ATP9B: variants seen among roughly 807,000 people sequenced by gnomAD.
The protein encoded by ATP9B is ATPase phospholipid transporting 9B, also known as probable phospholipid-transporting ATPase IIB.
Under a neutral mutation model 146.1 loss-of-function variants are expected in ATP9B, and 110 were observed. The ratio of observed to expected loss-of-function variants is 0.75; its 90% confidence interval spans 0.65 to 0.88. ATP9B has a LOEUF of 0.88. ATP9B is among the 40% of genes least tolerant of loss of function. The probability of loss-of-function intolerance (pLI) is 0.00; values close to 1 mark genes in which losing one functional copy is unlikely to be tolerated. For synonymous variants in ATP9B, 604 were observed against 569.7 expected (o/e 1.06, Z -0.86); for missense variants, 1,499 against 1,496.4 (o/e 1.00, Z -0.03).
In ATP9B at chr18:79,107,885, G is replaced by A. The variant is rs186935616; in HGVS notation, c.294-2470G>A. Among the ~76,000 whole-genome samples, 34 of 152,302 alleles carry A rather than the reference G, an allele frequency of 2.2e-4. No homozygotes were observed. The East Asian group carries it at 6.0e-3, about 27-fold the overall frequency. Reference sequence around the variant, plus strand: ...CTCGTTTCAACTCTGCCATTGCCTAGTGGTTTAGTCTTAGAGAAGTCACTT... The same window carrying A: ...CTCGTTTCAACTCTGCCATTGCCTAATGGTTTAGTCTTAGAGAAGTCACTT... On this transcript the variant is annotated intron_variant, in intron 2 of 29. Coordinates refer to ENST00000426216, the MANE Select transcript of ATP9B (RefSeq NM_198531.5).
rs1050517696 is a variant in ATP9B, at chr18:79,329,008, A to C, written c.1774-133A>C. ...ACGTATATACTTAGCCGTGAAAACAAAAAGTTCTGAACACCTAAGTTCTTC... is the reference window on the plus strand; with the variant it reads ...ACGTATATACTTAGCCGTGAAAACACAAAGTTCTGAACACCTAAGTTCTTC... On this transcript the variant is annotated intron_variant, in intron 15 of 29. Coordinates refer to ENST00000426216, the MANE Select transcript of ATP9B (RefSeq NM_198531.5). 8 of 946,014 alleles carry C rather than the reference A, an allele frequency of 8.5e-6. No homozygotes were observed. The Admixed American group carries it at 1.1e-4, about 13-fold the overall frequency. 58.6% of individuals were successfully genotyped at this position (946,014 alleles called of 1,614,324 possible).
chr18:79,343,073 G>C (rs117857409), intron 20 of ATP9B, among the ~76,000 whole-genome samples: 1 of 152,156 alleles, frequency 6.6e-6, no homozygotes, highest in African/African-American at 2.4e-5. Context: ...CTGTGTCTGC[G>C]TCTGTTCTAA....
chr18:79,309,833 A>G (rs1202883307), intron 15 of ATP9B, among the ~76,000 whole-genome samples: 1 of 152,344 alleles, frequency 6.6e-6, no homozygotes, highest in South Asian at 2.1e-4. Context: ...CCATAAAGCT[A>G]TTTAAACAAA....
rs376895248 is a variant in ATP9B, at chr18:79,345,575, G to A, written c.2617+3G>A. 243 of 1,606,588 alleles carry A rather than the reference G, an allele frequency of 1.5e-4. No homozygotes were observed. Among genetic ancestry groups the A allele is most frequent in the Non-Finnish European group, 2.0e-4 (232 of 1,179,380 alleles). On this transcript the variant is annotated splice_donor_region_variant and intron_variant, in intron 22 of 29. Coordinates refer to ENST00000426216, the MANE Select transcript of ATP9B (RefSeq NM_198531.5). ...AGGGAGACGCACCTGCGCCATCGGTGAGAGCCGCCCACCCTGCTCACAGGG... is the reference window on the plus strand; with the variant it reads ...AGGGAGACGCACCTGCGCCATCGGTAAGAGCCGCCCACCCTGCTCACAGGG...
rs370277830 is a variant in ATP9B at position 79,264,752 on chromosome 18, T to C, written c.1268+11211T>C. Among the ~76,000 whole-genome samples, 336 of 152,250 alleles carry C rather than the reference T, an allele frequency of 2.2e-3. 2 individuals carry two copies. Among genetic ancestry groups the C allele is most frequent in the African/African-American group, 7.8e-3 (322 of 41,536 alleles). ...GCAAACCAATTGTCTCAGCACCAGTTATAGAAAAGACTTTTCCCAGTGACC... is the reference window on the plus strand; with the variant it reads ...GCAAACCAATTGTCTCAGCACCAGTCATAGAAAAGACTTTTCCCAGTGACC... On this transcript the variant is annotated intron_variant, in intron 12 of 29. Coordinates refer to ENST00000426216, the MANE Select transcript of ATP9B (RefSeq NM_198531.5).
chr18:79,306,876 C>T, intron 14 of ATP9B, 110 bp from the exon 15 acceptor site: 11 of 1,284,174 alleles, frequency 8.6e-6, no homozygotes, highest in Non-Finnish European at 1.2e-5. Flanking sequence ...AATCAGGCTA[C>T]TTATTTCTAG....
intron 9 of ATP9B, among the ~76,000 whole-genome samples, chr18:79,195,778 A>G (rs935713682): frequency 6.6e-6 from 1 of 152,204 alleles, no homozygotes; most frequent in African/African-American, 2.4e-5. Flanking sequence ...AGTAAGAGAT[A>G]GGGAGGTTGT....
At chr18:79,336,075 CCG>C in intron 17 of ATP9B, among the ~76,000 whole-genome samples, 1 of 141,978 alleles carries the variant, frequency 7.0e-6, no homozygotes, top group Non-Finnish European at 1.6e-5. Context: ...CTCCCCTCGC[CCG>C]TCCCCAGCAC....
rs1304879263 is a variant in ATP9B at position 79,118,384 on chromosome 18, G to GTTTTTTTTTTTTTTTTT, written c.558+5035_558+5036insTTTTTTTTTTTTTTTTT. Among the ~76,000 whole-genome samples the GTTTTTTTTTTTTTTTTT allele has an allele frequency of 6.8e-5, 5 of 73,490 alleles. 1 individual carries two copies. Among genetic ancestry groups the GTTTTTTTTTTTTTTTTT allele is most frequent in the African/African-American group, 2.1e-4 (4 of 18,676 alleles). The allele number at this position is 73,490 out of a possible 152,430, so 48.2% of individuals were successfully genotyped here. A position where few individuals can be genotyped will look rare whatever the true frequency, so the allele number is the denominator to read the frequency against. ...ATTTTAAAACACAATCATATTGAACGTTTTTGTTTTTTTTTTTTTTTTTTT... is the reference window on the plus strand; with the variant it reads ...ATTTTAAAACACAATCATATTGAACGTTTTTTTTTTTTTTTTTTTTTTGTTTTTTTTTTTTTTTTTTT... On this transcript the variant is annotated intron_variant, in intron 4 of 29. Coordinates refer to ENST00000426216, the MANE Select transcript of ATP9B (RefSeq NM_198531.5).
chr18:79,207,739 C>T (rs2095547533), intron 10 of ATP9B, among the ~76,000 whole-genome samples: 1 of 151,918 alleles, frequency 6.6e-6, no homozygotes, highest in South Asian at 2.1e-4. Flanking sequence ...GGGTGCCCTT[C>T]TCTCCTGGAT....
intron 8 of ATP9B, among the ~76,000 whole-genome samples, chr18:79,181,063 G>A (rs1035100437): frequency 5.9e-5 from 9 of 151,620 alleles, no homozygotes; most frequent in Non-Finnish European, 1.0e-4. Context: ...CGCCCACCTT[G>A]GCCTCCCAAA....
Position 79,212,467 on chromosome 18 carries a change from C to T in ATP9B, c.1031-1495C>T, listed in dbSNP as rs188889617. On this transcript the variant is annotated intron_variant, in intron 10 of 29. Transcript: ENST00000426216. ...TCAACGGTTTCTAGCTTGATTAATT[C>T]TTGCAAAGCCTTTTCTGAGATTTGC... 5.9e-5 allele frequency among the ~76,000 whole-genome samples: 9 copies of T among 152,294 alleles called. No individual in the cohort carries two copies. The East Asian group carries it at 1.7e-3, about 29-fold the overall frequency.
At chr18:79,185,132 G>A (rs915759158) in intron 8 of ATP9B, among the ~76,000 whole-genome samples, 1 of 152,172 alleles carries the variant, frequency 6.6e-6, no homozygotes, top group African/African-American at 2.4e-5. Context: ...ACTTTTGTGA[G>A]TAATGAAAAT....
intron 13 of ATP9B, among the ~76,000 whole-genome samples, chr18:79,284,479 C>T (rs1302733181): frequency 6.6e-6 from 1 of 152,182 alleles, no homozygotes; most frequent in Non-Finnish European, 1.5e-5. Context: ...TATTTGACTT[C>T]ACTTTAAACA....
chr18:79,324,790 C>G (rs1253134659), intron 15 of ATP9B, among the ~76,000 whole-genome samples: 4 of 152,212 alleles, frequency 2.6e-5, no homozygotes, highest in Non-Finnish European at 5.9e-5. Context: ...TTCTTAATTG[C>G]TGGTCTAATA....
chr18:79,133,365 C>A (rs1006811592), intron 5 of ATP9B, among the ~76,000 whole-genome samples: 3 of 152,126 alleles, frequency 2.0e-5, no homozygotes, highest in African/African-American at 7.2e-5. Context: ...ATGGCAAAAA[C>A]CACAGTTACT....
intron 15 of ATP9B, among the ~76,000 whole-genome samples, chr18:79,316,278 C>T (rs926358751): frequency 3.3e-5 from 5 of 152,080 alleles, no homozygotes; most frequent in South Asian, 2.1e-4. Context: ...TGGTTGCCTG[C>T]GCCATCCCTG....
chr18:79,371,326 C>A (rs1017288635), intron 26 of ATP9B, among the ~76,000 whole-genome samples: 4 of 134,542 alleles, frequency 3.0e-5, no homozygotes, highest in Non-Finnish European at 4.6e-5. Context: ...GAGCCAAGAT[C>A]GTGCCATTGC....
At chr18:79,227,116 T>C (rs1290894203) in intron 11 of ATP9B, among the ~76,000 whole-genome samples, 1 of 152,166 alleles carries the variant, frequency 6.6e-6, no homozygotes, top group Non-Finnish European at 1.5e-5. Flanking sequence ...CATTGTCTCC[T>C]CTCTGTCTTT....
Sources: gnomAD v4.1 joint callset for allele counts (sites outside exome capture counted in the v4.1 genomes callset) on GRCh38, gnomAD v4.1.1 for gene constraint, MANE v1.5 for transcripts, NCBI Gene and HGNC (gene_info 2026-07-23, HGNC 2026-07-21) for gene names.